The following TCF4 variants were observed in gnomAD, a reference collection of about 807,000 sequenced individuals.
TCF4 encodes the protein SL3-3 enhancer factor 2.
A neutral mutation model predicts 82.1 loss-of-function variants in TCF4; 3 were observed. The observed-to-expected ratio is 0.04, with a 90% CI of 0.02 to 0.09. The LOEUF (loss-of-function observed/expected upper bound fraction) is 0.09, where lower values mean the gene tolerates loss of function less well. Among genes scored for constraint, TCF4 ranks in the 10% least tolerant of loss-of-function variants. The pLI is 1.00. For synonymous variants in TCF4, 276 were observed against 309.6 expected (o/e 0.89, Z 1.14); for missense variants, 518 against 852.7 (o/e 0.61, Z 4.89).
At chr18:55,257,619 C>G (rs2057164669) in intron 13 of TCF4, 1 of 578,380 alleles carries the variant, frequency 1.7e-6, no homozygotes, top group African/African-American at 1.9e-5. Context: ...GGCTGGCTGT[C>G]TCCTAAAAGA....
chr18:55,578,257 C>T (rs999133157), intron 3 of TCF4, among the ~76,000 whole-genome samples: 4 of 152,032 alleles, frequency 2.6e-5, no homozygotes, highest in African/African-American at 9.7e-5. Flanking sequence ...GTAGATTATA[C>T]ACATTTTTCC....
intron 8 of TCF4, among the ~76,000 whole-genome samples, chr18:55,331,874 T>A (rs2077632231): frequency 6.6e-6 from 1 of 152,194 alleles, no homozygotes. Flanking sequence ...TTCAAAAACA[T>A]ATACAATTCA....
chr18:55,326,401 C>CA (rs59228811), intron 8 of TCF4, among the ~76,000 whole-genome samples: 1,345 of 26,354 alleles, frequency 0.051, 188 homozygotes, highest in African/African-American at 0.067. Flanking sequence ...AGAGCAGCAG[C>CA]AAAAAAAAAA....
In TCF4 at chr18:55,510,803, C is replaced by CA. The variant is rs1454452351; in HGVS notation, c.146-46667dup. ...TAGATTTTAATTTATTTGTATATATCAGTCAGTAGAAGGGGAAATGATACT... is the reference window on the plus strand; with the variant it reads ...TAGATTTTAATTTATTTGTATATATCAAGTCAGTAGAAGGGGAAATGATACT... On this transcript the variant is annotated intron_variant, in intron 3 of 19. Transcript: ENST00000354452. 1.0e-5 allele frequency: 12 copies of CA among 1,195,422 alleles called. No homozygotes were observed. In the African/African-American group the frequency reaches 1.4e-4, roughly 14 times the overall value. The allele number at this position is 1,195,422 out of a possible 1,614,324, so 74.1% of individuals were successfully genotyped here.
At position 55,227,163 on chromosome 18, in the gene TCF4, C is replaced by G. The variant is rs1001945628; in HGVS notation, c.*872G>C. On this transcript the variant is annotated 3_prime_UTR_variant, in exon 20 of 20. Coordinates refer to ENST00000354452, the MANE Select transcript of TCF4 (RefSeq NM_001083962.2). ...GAATGAGAAGCAACATCAGGGTCAG[C>G]ATTTCATCCTGCACTACCCCTCTGG... 6.6e-5 allele frequency: 10 copies of G among 151,734 alleles called. No homozygotes were observed. The highest frequency in any genetic ancestry group is 2.2e-4 in the African/African-American group (9 of 41,116). 9.4% of individuals were successfully genotyped at this position (151,734 alleles called of 1,614,324 possible).
chr18:55,423,399 C>T (rs1005916711), intron 5 of TCF4: 3 of 148,230 alleles, frequency 2.0e-5, no homozygotes, highest in African/African-American at 5.1e-5. Context: ...CGCACACACG[C>T]GTGCGCAGGA....
At chr18:55,433,353 T>G (rs143080757) in intron 5 of TCF4, among the ~76,000 whole-genome samples, 48 of 152,370 alleles carry the variant, frequency 3.2e-4, no homozygotes, top group African/African-American at 1.1e-3. Flanking sequence ...GCACAGTGTT[T>G]GGCACATAGA....
chr18:55,561,326 G>A (rs1320657411), intron 3 of TCF4, among the ~76,000 whole-genome samples: 1 of 152,086 alleles, frequency 6.6e-6, no homozygotes, highest in Non-Finnish European at 1.5e-5. Flanking sequence ...CTCCTTCAAT[G>A]TGAGTGCCTC....
At chr18:55,629,244 T>C (rs191630038) in intron 2 of TCF4, among the ~76,000 whole-genome samples, 1 of 152,338 alleles carries the variant, frequency 6.6e-6, no homozygotes, top group African/African-American at 2.4e-5. Context: ...TCACTATCAA[T>C]TGAGACACTC....
chr18:55,360,799 C>T lies in TCF4; in HGVS notation c.370-9796G>A, dbSNP rs568568323. Among the ~76,000 whole-genome samples the T allele has an allele frequency of 4.4e-5, 6 of 135,464 alleles. No individual in the cohort carries two copies. The East Asian group carries it at 1.3e-3, about 30-fold the overall frequency. The allele number at this position is 135,464 out of a possible 152,430, so 88.9% of individuals were successfully genotyped here. A position where few individuals can be genotyped will look rare whatever the true frequency, so the allele number is the denominator to read the frequency against. On this transcript the variant is annotated intron_variant, in intron 6 of 19. Transcript: ENST00000354452. ...CTGGAGTGCAGTGGCGCAATCTTGG[C>T]TCACTGCAACCTCCAACTCCCAGGT...
intron 13 of TCF4, 60 bp downstream of exon 13, chr18:55,259,889 C>T (rs754134929): frequency 1.4e-6 from 2 of 1,425,968 alleles, no homozygotes; most frequent in South Asian, 2.3e-5. Context: ...TCAGGAAGTA[C>T]AAGGGGGGAA....
intron 5 of TCF4, among the ~76,000 whole-genome samples, chr18:55,447,993 G>A (rs899244516): frequency 1.6e-5 from 2 of 128,896 alleles, no homozygotes; most frequent in African/African-American, 5.8e-5. Flanking sequence ...ATTGTTTTGT[G>A]GGGGGATGAT....
At chr18:55,599,168 A>G (rs2097694129) in intron 2 of TCF4, among the ~76,000 whole-genome samples, 1 of 152,132 alleles carries the variant, frequency 6.6e-6, no homozygotes, top group African/African-American at 2.4e-5. Context: ...GTGGGGAGGG[A>G]AGATGAGTGT....
intron 5 of TCF4, among the ~76,000 whole-genome samples, chr18:55,428,010 A>G (rs1489427677): frequency 6.6e-6 from 1 of 152,244 alleles, no homozygotes; most frequent in African/African-American, 2.4e-5. Flanking sequence ...TCACATTAGA[A>G]GTACATAAAA....
At chr18:55,255,774 G>A (rs2056650209) in intron 14 of TCF4, among the ~76,000 whole-genome samples, 1 of 152,142 alleles carries the variant, frequency 6.6e-6, no homozygotes, top group African/African-American at 2.4e-5. Flanking sequence ...AAATGGTAAA[G>A]TCAGAGTTGG....
In TCF4 at chr18:55,234,671, G is replaced by A. The variant is rs1244450550; in HGVS notation, c.1363C>T (p.Arg455Cys). 1.9e-6 allele frequency: 3 copies of A among 1,614,154 alleles called. No homozygotes were observed. Among genetic ancestry groups the A allele is most frequent in the Non-Finnish European group, 2.5e-6 (3 of 1,180,014 alleles). Residue 455 changes from arginine to cysteine, a missense_variant, in exon 16 of 20, where the codon CGT becomes TGT. Arg to Cys is a radical substitution (Grantham distance 180). Around this residue, in one of 7 missense-constraint regions of TCF4, gnomAD observed 144 missense variants for 190.2 expected, o/e 0.76. Transcript: ENST00000354452. Reference protein sequence around the residue: ...NRHSLMVGTHREDGVALRGSH... With the variant: ...NRHSLMVGTHCEDGVALRGSH... The stretch of plus-strand genomic sequence containing the variant: ...CCTCTCAGGGCCACGCCATCTTCAC[G>A]ATGGGTCCCCACCTGAAAGGGCGAG...
At chr18:55,479,015 A>AC (rs2096364453) in intron 3 of TCF4, among the ~76,000 whole-genome samples, 1 of 151,792 alleles carries the variant, frequency 6.6e-6, no homozygotes, top group Non-Finnish European at 1.5e-5. Context: ...TCTACTTCCC[A>AC]CCATTTCTTT....
intron 8 of TCF4, among the ~76,000 whole-genome samples, chr18:55,308,800 T>G (rs1386222942): frequency 1.3e-5 from 2 of 152,234 alleles, no homozygotes; most frequent in African/African-American, 4.8e-5. Context: ...ATCAGATATT[T>G]GACAATAAAG....
At chr18:55,359,913 C>T (rs570504819) in intron 6 of TCF4, among the ~76,000 whole-genome samples, 1 of 152,252 alleles carries the variant, frequency 6.6e-6, no homozygotes, top group Non-Finnish European at 1.5e-5. Context: ...TTGTTCTTAT[C>T]TATGACAGGT....
Sources: gnomAD v4.1 joint callset for allele counts (sites outside exome capture counted in the v4.1 genomes callset) on GRCh38, gnomAD v4.1.1 for gene constraint, gnomAD v4.1.1 regional missense constraint, MANE v1.5 for transcripts, NCBI Gene and HGNC (gene_info 2026-07-23, HGNC 2026-07-21) for gene names.